SECTM1: variants seen among roughly 807,000 people sequenced by gnomAD.
The protein encoded by SECTM1 is secreted and transmembrane protein 1.
A neutral mutation model predicts 18.1 loss-of-function variants in SECTM1; 10 were observed. The ratio of observed to expected loss-of-function variants is 0.55; its 90% CI spans 0.34 to 0.94. The LOEUF (loss-of-function observed/expected upper bound fraction) is 0.94, where lower values mean the gene tolerates loss of function less well. Ranked by LOEUF, SECTM1 falls within the 40% of genes least tolerant of loss-of-function variation. SECTM1 has a pLI of 0.02. For synonymous variants in SECTM1, 137 were observed against 139.2 expected (o/e 0.98, Z 0.11); for missense variants, 297 against 322.6 (o/e 0.92, Z 0.61).
rs1218446993 is a variant in SECTM1, at chr17:82,322,990, G to C, written c.425C>G (p.Pro142Arg). Residue 142 changes from proline (P) to arginine (R), a missense_variant, in exon 4 of 5, where the codon CCC (proline) becomes CGC (arginine). Physicochemically the swap from Pro to Arg is moderately radical, Grantham distance 103. Coordinates refer to ENST00000269389, the MANE Select transcript of SECTM1 (RefSeq NM_003004.3). Reference sequence around the variant, plus strand: ...TGGCACAGGCCAGAACCCAGTGTCGGGGGCGGACTGGGGTTCTGCACCTGA... The same window carrying C: ...TGGCACAGGCCAGAACCCAGTGTCGCGGGCGGACTGGGGTTCTGCACCTGA... ...EVSGAEPQSA[P>R]DTGFWPVPAV... 1 of 1,612,896 alleles carries C rather than the reference G, an allele frequency of 6.2e-7. No individual in the cohort carries two copies. Among genetic ancestry groups the C allele is most frequent in the Middle Eastern group, 1.7e-4 (1 of 6,056 alleles).
At chr17:82,323,215 C>A (rs1450742010) in intron 3 of SECTM1, 1 of 599,272 alleles carries the variant, frequency 1.7e-6, no homozygotes, top group South Asian at 2.0e-5. Flanking sequence ...TGGAAGGAGA[C>A]CCAGAGCGCA....
At chr17:82,324,540 CT>C in intron 3 of SECTM1, 41 bp downstream of exon 3, 7 of 1,420,378 alleles carry the variant, frequency 4.9e-6, no homozygotes, top group South Asian at 2.7e-5. Flanking sequence ...CCCGTGTCCC[CT>C]CTCACTCCCC....
Position 82,321,437 on chromosome 17 carries a change from A to G in SECTM1, c.*724T>C, listed in dbSNP as rs1679948391. ...TCAAAGGGCCCCGCCGCAGTGACGA[A>G]GACAAAAGCATGAACAGATCTGGGT... On this transcript the variant is annotated 3_prime_UTR_variant, in exon 5 of 5. Coordinates refer to ENST00000269389, the MANE Select transcript of SECTM1 (RefSeq NM_003004.3). 1 of 152,264 alleles carries G rather than the reference A, an allele frequency of 6.6e-6. No homozygotes were observed. 9.4% of individuals were successfully genotyped at this position (152,264 alleles called of 1,614,324 possible). A position where few individuals can be genotyped will look rare whatever the true frequency, so the allele number is the denominator to read the frequency against.
At chr17:82,333,432 C>A (rs1022771718) in intron 1 of SECTM1, among the ~76,000 whole-genome samples, 2 of 152,122 alleles carry the variant, frequency 1.3e-5, no homozygotes, top group Admixed American at 6.5e-5. Context: ...ACGCCCGCTG[C>A]GACCCCGCCC....
Position 82,322,236 on chromosome 17 carries a change from C to G in SECTM1, c.672G>C (p.Val224=). ...GGGCTCCAAGTGGTGAGGGTTTGAA[C>G]ACCAGTGCCAGCGGCCTTGGGGTGG... is the stretch of plus-strand genomic sequence containing the variant. ...SEPTPRPLAL[V]FKPSPLGALE... is the part of the protein sequence containing the mutation. The change falls in exon 5 of 5, where the codon GTG becomes GTC. Residue 224 remains valine (V), a synonymous_variant. Transcript: ENST00000269389. 1 of 1,611,482 alleles carries G rather than the reference C, an allele frequency of 6.2e-7. No homozygotes were observed. The highest frequency in any genetic ancestry group is 8.5e-7 in the Non-Finnish European group (1 of 1,178,394).
rs2052122306 is a variant in SECTM1 at position 82,323,982 on chromosome 17, T to TGGGAG, written c.403+595_403+599dup. On this transcript the variant is annotated intron_variant, in intron 3 of 4. Coordinates refer to ENST00000269389, the MANE Select transcript of SECTM1 (RefSeq NM_003004.3). ...GAGGTGGACAACATGGGAGTGGGAG[T>TGGGAG]GGGAGGGGCGGGGCAGGACCGTGGC... Among the ~76,000 whole-genome samples, 3 of 118,850 alleles carry TGGGAG rather than the reference T, an allele frequency of 2.5e-5. No homozygotes were observed. The South Asian group carries it at 8.4e-4, about 33-fold the overall frequency. 78.0% of individuals were successfully genotyped at this position (118,850 alleles called of 152,430 possible). A position where few individuals can be genotyped will look rare whatever the true frequency, so the allele number is the denominator to read the frequency against.
At chr17:82,323,209 A>G in intron 3 of SECTM1, 198 bp from the exon 4 acceptor site, 1 of 608,894 alleles carries the variant, frequency 1.6e-6, no homozygotes, top group Non-Finnish European at 2.9e-6. Context: ...CAGAGGTGGA[A>G]GGAGACCCAG....
At position 82,322,934 on chromosome 17, in the gene SECTM1, C is replaced by A; in HGVS notation, c.481G>T (p.Val161Phe). Residue 161 changes from valine (V) to phenylalanine (F), a missense_variant, in exon 4 of 5, where the codon GTC (valine) becomes TTC (phenylalanine). Val to Phe is a conservative substitution (Grantham distance 50). Transcript: ENST00000269389. ...TACCAGGCGAACATGACCAGAGCGA[C>A]CAAGAGGATGAAGACAGCAGTGACC... ...AVVTAVFILL[V>F]ALVMFAWYRC... is the part of the protein sequence containing the mutation. 1.9e-6 allele frequency: 3 copies of A among 1,613,916 alleles called. No homozygotes were observed. The highest frequency in any genetic ancestry group is 2.5e-6 in the Non-Finnish European group (3 of 1,179,988).
chr17:82,331,096 G>A (rs189554989), intron 1 of SECTM1, among the ~76,000 whole-genome samples: 2 of 152,298 alleles, frequency 1.3e-5, no homozygotes, highest in East Asian at 1.9e-4. Context: ...GGTGAAGGGC[G>A]GCAAGGGATG....
chr17:82,324,983 C>G (rs2052133818), intron 2 of SECTM1, 93 bp from the exon 3 acceptor site: 1 of 1,251,270 alleles, frequency 8.0e-7, no homozygotes. Flanking sequence ...GGGCAGGAGA[C>G]AGGGCCTCTA....
intron 1 of SECTM1, among the ~76,000 whole-genome samples, chr17:82,331,125 G>A (rs1399390918): frequency 1.3e-5 from 2 of 152,304 alleles, no homozygotes; most frequent in South Asian, 2.1e-4. Context: ...GGTACTAGGA[G>A]CAGGTGGCGG....
chr17:82,322,099 C>T lies in SECTM1; in HGVS notation c.*62G>A. The T allele has an allele frequency of 6.4e-7, 1 of 1,552,716 alleles. No individual in the cohort carries two copies. Among genetic ancestry groups the T allele is most frequent in the Non-Finnish European group, 8.9e-7 (1 of 1,127,598 alleles). On this transcript the variant is annotated 3_prime_UTR_variant, in exon 5 of 5. Coordinates refer to ENST00000269389, the MANE Select transcript of SECTM1 (RefSeq NM_003004.3). ...TCCGGGTGGGACGAGAGACCCAGGC[C>T]CCGCCACCCAAGGTCGGCACTCAGG...
intron 3 of SECTM1, among the ~76,000 whole-genome samples, 160 bp downstream of exon 3, chr17:82,324,422 C>A (rs1030793493): frequency 6.6e-6 from 1 of 151,982 alleles, no homozygotes; most frequent in Non-Finnish European, 1.5e-5. Context: ...TCCACCCCAA[C>A]TCTCTACCCG....
chr17:82,329,137 G>A lies in SECTM1; in HGVS notation c.-52-1845C>T, dbSNP rs983213863. 14 of 152,348 alleles carry A rather than the reference G, an allele frequency of 9.2e-5. No individual in the cohort carries two copies. The highest frequency in any genetic ancestry group is 3.1e-4 in the African/African-American group (13 of 41,512). The allele number at this position is 152,348 out of a possible 1,614,324, so 9.4% of individuals were successfully genotyped here. A position where few individuals can be genotyped will look rare whatever the true frequency, so the allele number is the denominator to read the frequency against. On this transcript the variant is annotated intron_variant, in intron 1 of 4. Coordinates refer to ENST00000269389, the MANE Select transcript of SECTM1 (RefSeq NM_003004.3). This position sits in a 1 kb window ranked among gnomAD's most constrained non-coding sequence, Gnocchi z 7.6. Reference sequence around the variant, plus strand: ...GGGCCTGCTGAGGACCTGGCTTGCAGACGGGCTCCGGCCTTCTCGTCCCAT... The same window carrying A: ...GGGCCTGCTGAGGACCTGGCTTGCAAACGGGCTCCGGCCTTCTCGTCCCAT...
chr17:82,331,719 G>A (rs773135242), intron 1 of SECTM1, among the ~76,000 whole-genome samples: 6 of 152,364 alleles, frequency 3.9e-5, no homozygotes, highest in African/African-American at 1.4e-4. Context: ...GAGGGCAGGC[G>A]GCAGGGCGCG....
intron 1 of SECTM1, among the ~76,000 whole-genome samples, chr17:82,332,014 C>T (rs547117195): frequency 7.2e-5 from 11 of 151,996 alleles, no homozygotes; most frequent in East Asian, 1.9e-4. Context: ...TGGTGGTGCA[C>T]GCCTGTAATC....
chr17:82,324,361 C>T, intron 3 of SECTM1, among the ~76,000 whole-genome samples: 1 of 152,064 alleles, frequency 6.6e-6, no homozygotes, highest in South Asian at 2.1e-4. Flanking sequence ...AGCCTCCTGC[C>T]TGACCCCTGC....
Position 82,328,979 on chromosome 17 carries a change from A to C in SECTM1, c.-52-1687T>G, listed in dbSNP as rs1406506760. Among the ~76,000 whole-genome samples the C allele has an allele frequency of 1.3e-5, 2 of 152,202 alleles. No individual in the cohort carries two copies. Among genetic ancestry groups the C allele is most frequent in the Non-Finnish European group, 2.9e-5 (2 of 68,022 alleles). ...CTGTAAAGCGACCTTCAGACGTGCT[A>C]TTTATAGATGTCTATAGATTTATAG... On this transcript the variant is annotated intron_variant, in intron 1 of 4. Transcript: ENST00000269389. The surrounding 1 kb of genome is among the most constrained non-coding windows in gnomAD (Gnocchi z 5.8).
Position 82,325,523 on chromosome 17 carries a change from T to C in SECTM1, c.95-633A>G, listed in dbSNP as rs1363393059. Reference sequence around the variant, plus strand: ...TTCCCCTCCCGGCCACCCGCTCAGCTCCAGGTTGCTGGGCCAGCTCCATAC... The same window carrying C: ...TTCCCCTCCCGGCCACCCGCTCAGCCCCAGGTTGCTGGGCCAGCTCCATAC... On this transcript the variant is annotated intron_variant, in intron 2 of 4. Transcript: ENST00000269389. This position sits in a 1 kb window ranked among gnomAD's most constrained non-coding sequence, Gnocchi z 7.6. 6.6e-6 allele frequency among the ~76,000 whole-genome samples: 1 copy of C among 152,172 alleles called. No individual in the cohort carries two copies. Among genetic ancestry groups the C allele is most frequent in the Non-Finnish European group, 1.5e-5 (1 of 68,024 alleles).
Sources: allele counts gnomAD v4.1 joint callset (sites outside exome capture counted in the v4.1 genomes callset), GRCh38; gene constraint gnomAD v4.1.1; non-coding constraint Gnocchi (gnomAD v3.1); transcripts MANE v1.5; gene names NCBI Gene and HGNC (gene_info 2026-07-23, HGNC 2026-07-21).